The following LSM1 variants were observed in gnomAD, a reference collection of about 807,000 sequenced individuals.
LSM1 encodes the protein LSM1 homolog, mRNA degradation associated, also known as U6 snRNA-associated Sm-like protein LSm1.
Under a neutral mutation model 18.0 loss-of-function variants are expected in LSM1, and 13 were observed. The observed-to-expected ratio is 0.72, with a 90% CI of 0.47 to 1.15. LSM1 has a LOEUF of 1.15. Ranked by LOEUF, LSM1 falls within the 50% of genes most tolerant of loss-of-function variation. The pLI, the probability that LSM1 is intolerant of heterozygous loss-of-function variation, is 0.00. For missense variants in LSM1, 152 were observed against 157.7 expected, an observed-to-expected ratio of 0.96 and a Z score of 0.19; for synonymous variants, 46 against 56.0, an observed-to-expected ratio of 0.82 and a Z score of 0.80.
chr8:38,165,616 G>C (rs1802914930), intron 3 of LSM1, among the ~76,000 whole-genome samples: 1 of 150,770 alleles, frequency 6.6e-6, no homozygotes, highest in Non-Finnish European at 1.5e-5. Context: ...AGAATCACTT[G>C]AATCCAGGAG....
chr8:38,167,730 C>T (rs1802959165), intron 3 of LSM1, among the ~76,000 whole-genome samples: 1 of 152,112 alleles, frequency 6.6e-6, no homozygotes, highest in Non-Finnish European at 1.5e-5. Context: ...ATAACCCCAC[C>T]ATGCAGAGAT....
rs1369902419 is a variant in LSM1 at position 38,167,593 on chromosome 8, C to T, written c.231+2209G>A. Among the ~76,000 whole-genome samples the T allele has an allele frequency of 3.3e-5, 5 of 152,258 alleles. No individual in the cohort carries two copies. In the East Asian group the frequency reaches 9.7e-4, roughly 29 times the overall value. Reference sequence around the variant, plus strand: ...AGCTTAAGCGATCTGCCTGCCTCGGCCTCCCAAAGTACTGGGATTACAGAC... The same window carrying T: ...AGCTTAAGCGATCTGCCTGCCTCGGTCTCCCAAAGTACTGGGATTACAGAC... On this transcript the variant is annotated intron_variant, in intron 3 of 3. Transcript: ENST00000311351.
chr8:38,170,019 G>A, intron 2 of LSM1, 102 bp from the exon 3 acceptor site: 1 of 602,052 alleles, frequency 1.7e-6, no homozygotes, highest in Non-Finnish European at 3.0e-6. Context: ...AGGTAAACAT[G>A]ATTTCCAAGC....
intron 2 of LSM1, chr8:38,170,893 G>T: frequency 3.5e-6 from 1 of 285,056 alleles, no homozygotes; most frequent in Non-Finnish European, 7.5e-6. Flanking sequence ...TGAAGTAAAG[G>T]AGAAATCTAT....
At chr8:38,170,127 T>C (rs1339217306) in intron 2 of LSM1, among the ~76,000 whole-genome samples, 1 of 152,232 alleles carries the variant, frequency 6.6e-6, no homozygotes, top group African/African-American at 2.4e-5. Context: ...CTGCAACCTC[T>C]GCCTACTGGT....
At chr8:38,164,662 C>CAAAAAAA (rs1802900290) in intron 3 of LSM1, among the ~76,000 whole-genome samples, 1 of 129,172 alleles carries the variant, frequency 7.7e-6, no homozygotes, top group African/African-American at 3.2e-5. Context: ...ACTAACTCCA[C>CAAAAAAA]CAAAAAACAA....
At chr8:38,172,201 T>C (rs985742021) in intron 1 of LSM1, among the ~76,000 whole-genome samples, 168 bp from the exon 2 acceptor site, 1 of 150,428 alleles carries the variant, frequency 6.6e-6, no homozygotes, top group African/African-American at 2.4e-5. Context: ...CGGATTTAGA[T>C]AACATCAGTA....
intron 2 of LSM1, among the ~76,000 whole-genome samples, chr8:38,170,401 A>C (rs1803006349): frequency 6.6e-6 from 1 of 152,216 alleles, no homozygotes; most frequent in Admixed American, 6.5e-5. Flanking sequence ...TCATTGAGTA[A>C]GACGTACCAG....
intron 2 of LSM1, among the ~76,000 whole-genome samples, chr8:38,171,655 C>T (rs1340747872): frequency 6.6e-6 from 1 of 152,024 alleles, no homozygotes; most frequent in African/African-American, 2.4e-5. Flanking sequence ...TGACCGAGAG[C>T]GCGTCTAAAC....
intron 2 of LSM1, 119 bp from the exon 3 acceptor site, chr8:38,170,036 ATTATTT>A (rs1585640500): frequency 3.6e-6 from 2 of 561,496 alleles, no homozygotes; most frequent in East Asian, 6.4e-5. Context: ...AAGCTTTCTA[ATTATTT>A]TTATTTATTT....
chr8:38,168,423 T>G (rs1802973926), intron 3 of LSM1, among the ~76,000 whole-genome samples: 1 of 151,160 alleles, frequency 6.6e-6, no homozygotes, highest in South Asian at 2.1e-4. Context: ...AAACCCCGTC[T>G]CTACTAAAAA....
chr8:38,171,628 C>G (rs1803031849), intron 2 of LSM1, among the ~76,000 whole-genome samples: 1 of 152,208 alleles, frequency 6.6e-6, no homozygotes, highest in African/African-American at 2.4e-5. Flanking sequence ...GATTGTGCCA[C>G]TGCACTCCAG....
In LSM1 at chr8:38,176,301, G is replaced by A; in HGVS notation, c.20C>T (p.Thr7Ile). MNYMPG[T>I]ASLIEDIDKK... ...GTCAATGTCCTCGATGAGGCTGGCG[G>A]TGCCAGGCATATAGTTCATTTTGAA... The change falls in exon 1 of 4, where the codon ACC becomes ATC. Residue 7 changes from threonine to isoleucine, a missense_variant. Physicochemically the swap from Thr to Ile is moderately conservative, Grantham distance 89. Transcript: ENST00000311351. 2 of 1,613,502 alleles carry A rather than the reference G, an allele frequency of 1.2e-6. No individual in the cohort carries two copies. Among genetic ancestry groups the A allele is most frequent in the South Asian group, 1.1e-5 (1 of 90,880 alleles).
intron 1 of LSM1, 123 bp from the exon 2 acceptor site, chr8:38,172,156 T>C (rs1386825250): frequency 1.4e-6 from 1 of 701,664 alleles, no homozygotes; most frequent in Non-Finnish European, 2.5e-6. Flanking sequence ...GAAGTTCAAG[T>C]TCATTGGAAA....
intron 1 of LSM1, among the ~76,000 whole-genome samples, chr8:38,173,480 A>C (rs1286339621): frequency 6.6e-6 from 1 of 152,140 alleles, no homozygotes; most frequent in African/African-American, 2.4e-5. Flanking sequence ...CAGTAGATAA[A>C]GTCAGAAAAG....
chr8:38,168,058 T>A (rs888670926), intron 3 of LSM1, among the ~76,000 whole-genome samples: 1 of 150,496 alleles, frequency 6.6e-6, no homozygotes, highest in Non-Finnish European at 1.5e-5. Context: ...GCCTCCTGGG[T>A]TCATGCCATT....
At chr8:38,172,614 G>A (rs141336387) in intron 1 of LSM1, among the ~76,000 whole-genome samples, 5 of 152,190 alleles carry the variant, frequency 3.3e-5, no homozygotes, top group Admixed American at 6.5e-5. Context: ...GAACCATGGC[G>A]CCTAGCCAAA....
chr8:38,170,776 A>C (rs1803014099), intron 2 of LSM1, among the ~76,000 whole-genome samples: 1 of 152,230 alleles, frequency 6.6e-6, no homozygotes. Flanking sequence ...CTTAATAGCC[A>C]CTACCCTTCC....
chr8:38,176,050 T>C (rs1803132395), intron 1 of LSM1: 1 of 472,092 alleles, frequency 2.1e-6, no homozygotes, highest in Non-Finnish European at 3.8e-6. Flanking sequence ...GCTCACCAGC[T>C]AGAGGGCTGG....
Sources: allele counts gnomAD v4.1 joint callset (sites outside exome capture counted in the v4.1 genomes callset), GRCh38; gene constraint gnomAD v4.1.1; transcripts MANE v1.5; gene names NCBI Gene and HGNC (gene_info 2026-07-23, HGNC 2026-07-21).